Variants in PAPSS1 observed in about 807,000 individuals in gnomAD.
PAPSS1 encodes the protein bifunctional 3'-phosphoadenosine 5'-phosphosulfate synthase 1.
In PAPSS1, 50 loss-of-function variants were observed where a neutral mutation model predicts 72.0. The observed-to-expected ratio is 0.69, with a 90% confidence interval of 0.55 to 0.88. The LOEUF is 0.88. PAPSS1 is among the 40% of genes least tolerant of loss of function. The pLI, the probability that PAPSS1 is intolerant of heterozygous loss-of-function variation, is 0.00. For missense variants in PAPSS1, 657 were observed against 782.2 expected (o/e 0.84, Z 1.91); for synonymous variants, 261 against 263.6 (o/e 0.99, Z 0.09).
chr4:107,659,845 TG>T, intron 6 of PAPSS1, 113 bp downstream of exon 6: 1 of 492,734 alleles, frequency 2.0e-6, no homozygotes, highest in Non-Finnish European at 3.4e-6. Flanking sequence ...ACAACATCTT[TG>T]CCCCCCCAGC....
intron 2 of PAPSS1, among the ~76,000 whole-genome samples, chr4:107,696,148 G>A (rs190805175): frequency 6.6e-6 from 1 of 152,290 alleles, no homozygotes; most frequent in East Asian, 1.9e-4. Context: ...TTCAACCATT[G>A]TGGAAGACAG....
chr4:107,672,576 G>A (rs1727515061), intron 5 of PAPSS1, among the ~76,000 whole-genome samples: 1 of 152,222 alleles, frequency 6.6e-6, no homozygotes, highest in Non-Finnish European at 1.5e-5. Flanking sequence ...CTGGAAGCTG[G>A]AACTTGGTGG....
chr4:107,614,832 A>T (rs779944005), intron 11 of PAPSS1, among the ~76,000 whole-genome samples: 44 of 152,172 alleles, frequency 2.9e-4, no homozygotes, highest in Admixed American at 5.9e-4. Flanking sequence ...ACTTTATCAC[A>T]TGTGTAGGTT....
At chr4:107,617,207 CT>C (rs111248344) in intron 11 of PAPSS1, among the ~76,000 whole-genome samples, 14,073 of 132,598 alleles carry the variant, frequency 0.11, 1,017 homozygotes, top group African/African-American at 0.23. Flanking sequence ...GAGTCTTCGG[CT>C]TTTTTTTTTT....
intron 3 of PAPSS1, among the ~76,000 whole-genome samples, chr4:107,689,727 T>C (rs1722868938): frequency 6.6e-6 from 1 of 152,186 alleles, no homozygotes; most frequent in Admixed American, 6.5e-5. Context: ...TTCCTAAATC[T>C]AGATCTCAAT....
chr4:107,644,913 C>T lies in PAPSS1; in HGVS notation c.1395G>A (p.Leu465=). 2.5e-6 allele frequency: 4 copies of T among 1,614,096 alleles called. No homozygotes were observed. The Middle Eastern group carries it at 6.6e-4, about 266-fold the overall frequency. ...GGWTKDDDVP[L]MWRMKQHAAV... is the part of the protein sequence containing the mutation. ...CAGCATGCTGCTTCATACGCCACAT[C>T]AAAGGAACATCGTCATCCTTTGTCC... is the stretch of plus-strand genomic sequence containing the variant. Residue 465 remains leucine, a synonymous_variant, in exon 10 of 12, where the codon TTG becomes TTA. Coordinates refer to ENST00000265174, the MANE Select transcript of PAPSS1 (RefSeq NM_005443.5).
At chr4:107,618,426 G>A (rs1181071549) in intron 11 of PAPSS1, among the ~76,000 whole-genome samples, 1 of 151,180 alleles carries the variant, frequency 6.6e-6, no homozygotes, top group Non-Finnish European at 1.5e-5. Context: ...TATATAGGCA[G>A]GAGAAAATAA....
In PAPSS1 at chr4:107,653,645, T is replaced by C. The variant is rs762721922; in HGVS notation, c.1102-19A>G. 4.4e-6 allele frequency: 7 copies of C among 1,605,334 alleles called. No individual in the cohort carries two copies. The highest frequency in any genetic ancestry group is 1.7e-5 in the Admixed American group (1 of 58,658). On this transcript the variant is annotated intron_variant, in intron 8 of 11. Coordinates refer to ENST00000265174, the MANE Select transcript of PAPSS1 (RefSeq NM_005443.5). ...TCACCATCTAATAGGAAAAACAAAT[T>C]TTTTTAATGGAAACCGAGATCAAAA...
chr4:107,683,224 A>G (rs754989605), intron 4 of PAPSS1, among the ~76,000 whole-genome samples: 5 of 152,150 alleles, frequency 3.3e-5, no homozygotes, highest in Non-Finnish European at 5.9e-5. Context: ...TCAAAAATAT[A>G]TACTACAAAC....
chr4:107,674,673 C>A (rs1284163739), intron 5 of PAPSS1, among the ~76,000 whole-genome samples: 2 of 150,900 alleles, frequency 1.3e-5, no homozygotes, highest in East Asian at 3.9e-4. Context: ...CAGCTCTGCA[C>A]CAAGCAGACC....
At chr4:107,717,788 C>T (rs2125945311) in intron 1 of PAPSS1, among the ~76,000 whole-genome samples, 1 of 152,308 alleles carries the variant, frequency 6.6e-6, no homozygotes, top group South Asian at 2.1e-4. Flanking sequence ...TCCCCACTTC[C>T]CAGACCAAAA....
chr4:107,673,295 A>G (rs1727545699), intron 5 of PAPSS1, among the ~76,000 whole-genome samples: 1 of 152,212 alleles, frequency 6.6e-6, no homozygotes, highest in Non-Finnish European at 1.5e-5. Flanking sequence ...CCCATGGCAA[A>G]GAAGTTAAAA....
intron 9 of PAPSS1, among the ~76,000 whole-genome samples, chr4:107,646,760 GATTT>G (rs980186068): frequency 2.6e-5 from 4 of 152,094 alleles, no homozygotes; most frequent in Admixed American, 2.0e-4. Flanking sequence ...AGGTACTAGT[GATTT>G]ACAAACCTGT....
chr4:107,667,351 T>A (rs1167213740), intron 5 of PAPSS1, among the ~76,000 whole-genome samples: 2 of 152,080 alleles, frequency 1.3e-5, no homozygotes, highest in African/African-American at 4.8e-5. Context: ...ATAAAGCACT[T>A]TACTGAGTTC....
At chr4:107,688,937 TAC>T (rs1231130707) in intron 3 of PAPSS1, among the ~76,000 whole-genome samples, 3 of 152,172 alleles carry the variant, frequency 2.0e-5, no homozygotes, top group Admixed American at 2.0e-4. Flanking sequence ...AAGACCACAC[TAC>T]ACACCCACAA....
chr4:107,644,089 A>G (rs1325874895), intron 10 of PAPSS1, among the ~76,000 whole-genome samples: 2 of 152,156 alleles, frequency 1.3e-5, no homozygotes, highest in African/African-American at 4.8e-5. Context: ...ACCGTCTTGT[A>G]TTATTTCCAC....
At chr4:107,666,420 T>C (rs974899338) in intron 5 of PAPSS1, among the ~76,000 whole-genome samples, 2 of 152,112 alleles carry the variant, frequency 1.3e-5, no homozygotes, top group African/African-American at 4.8e-5. Context: ...CTTAAATACA[T>C]ACCAAACAAA....
At position 107,654,734 on chromosome 4, in the gene PAPSS1, T is replaced by C. The variant is rs777380709; in HGVS notation, c.1062A>G (p.Arg354=). The change falls in exon 8 of 12, where the codon AGA becomes AGG. Residue 354 remains arginine (R), a synonymous_variant. Coordinates refer to ENST00000265174, the MANE Select transcript of PAPSS1 (RefSeq NM_005443.5). Reference sequence around the variant, plus strand: ...GGTTCTTGCATGTCGTTCCCCACTGTCTGGCACAGCGCTCCTCTTTCCTGT... The same window carrying C: ...GGTTCTTGCATGTCGTTCCCCACTGCCTGGCACAGCGCTCCTCTTTCCTGT... The part of the protein sequence containing the change: ...FEHRKEERCA[R]QWGTTCKNHP... The C allele has an allele frequency of 1.2e-6, 2 of 1,613,630 alleles. No homozygotes were observed. Among genetic ancestry groups the C allele is most frequent in the Non-Finnish European group, 1.7e-6 (2 of 1,179,868 alleles).
At chr4:107,623,823 A>T (rs1302531448) in intron 11 of PAPSS1, among the ~76,000 whole-genome samples, 1 of 152,216 alleles carries the variant, frequency 6.6e-6, no homozygotes, top group Non-Finnish European at 1.5e-5. Context: ...CGCTCAGCTT[A>T]TGTGAATTTT....
Sources: gnomAD v4.1 joint callset for allele counts (sites outside exome capture counted in the v4.1 genomes callset) on GRCh38, gnomAD v4.1.1 for gene constraint, MANE v1.5 for transcripts, NCBI Gene and HGNC (gene_info 2026-07-23, HGNC 2026-07-21) for gene names.